Variants in BRSK2 observed in about 807,000 individuals in gnomAD.
BRSK2 encodes the protein serine/threonine-protein kinase BRSK2.
In BRSK2, 19 loss-of-function variants were observed where a neutral mutation model predicts 83.3. The ratio of observed to expected loss-of-function variants is 0.23; its 90% CI spans 0.16 to 0.33. The LOEUF (loss-of-function observed/expected upper bound fraction) is 0.33. Among genes scored for constraint, BRSK2 ranks in the 10% least tolerant of loss-of-function variants. The pLI is 1.00. For synonymous variants in BRSK2, 519 were observed against 435.4 expected (o/e 1.19, Z -2.39); for missense variants, 798 against 1,042.3 (o/e 0.77, Z 3.23).
intron 8 of BRSK2, among the ~76,000 whole-genome samples, chr11:1,443,886 G>A (rs1564853414): frequency 6.6e-6 from 1 of 152,154 alleles, no homozygotes; most frequent in South Asian, 2.1e-4. Flanking sequence ...GTGTGGGAGT[G>A]CCCAGGCGTG....
chr11:1,396,252 TGGTCCCTCTTCCCTTCCACCCA>T (rs1846098403), intron 1 of BRSK2, among the ~76,000 whole-genome samples: 2 of 130,362 alleles, frequency 1.5e-5, no homozygotes, highest in Non-Finnish European at 3.2e-5. Context: ...CCCCCACTCC[TGGTCCCTCTTCCCTTCCACCCA>T]CGTCCCCCAC....
At chr11:1,429,276 T>C (rs1411618131) in intron 1 of BRSK2, among the ~76,000 whole-genome samples, 2 of 106,944 alleles carry the variant, frequency 1.9e-5, no homozygotes, top group Admixed American at 9.3e-5. Flanking sequence ...TGTGCACTCG[T>C]GTGGGTGTGT....
At chr11:1,447,360 G>A (rs755407207) in intron 12 of BRSK2, among the ~76,000 whole-genome samples, 2 of 152,310 alleles carry the variant, frequency 1.3e-5, no homozygotes, top group African/African-American at 4.8e-5. Context: ...GGTCAGCGGC[G>A]TGGGAGGCCG....
chr11:1,436,121 C>A lies in BRSK2; in HGVS notation c.173C>A (p.Ser58Ter). 1 of 1,325,500 alleles carries A rather than the reference C, an allele frequency of 7.5e-7. No homozygotes were observed. Among genetic ancestry groups the A allele is most frequent in the South Asian group, 1.2e-5 (1 of 82,688 alleles). 82.1% of individuals were successfully genotyped at this position (1,325,500 alleles called of 1,614,324 possible). Residue 58 changes from serine (S) to a stop codon, truncating the protein, a stop_gained, in exon 2 of 20, where the codon TCG becomes TAG. Transcript: ENST00000528841. LOFTEE classifies it high-confidence loss of function. ...KIVNREKLSE[S>*]VLMKVEREIA... ...GTCAACCGTGAGAAGCTCAGCGAGT[C>A]GGTGCTGATGAAGGTGGGTGGGGCC...
chr11:1,451,319 G>A (rs1845793797), intron 14 of BRSK2, 52 bp from the exon 15 acceptor site: 5 of 1,606,858 alleles, frequency 3.1e-6, no homozygotes, highest in Non-Finnish European at 4.3e-6. Context: ...CAGGGCAGGG[G>A]AAGGATGGAG....
intron 1 of BRSK2, among the ~76,000 whole-genome samples, chr11:1,406,821 C>T (rs1846906803): frequency 6.6e-6 from 1 of 152,236 alleles, no homozygotes; most frequent in South Asian, 2.1e-4. Context: ...GGAGCCCAGG[C>T]ATCTGCTCCC....
At chr11:1,400,794 C>T (rs1317224204) in intron 1 of BRSK2, among the ~76,000 whole-genome samples, 1 of 152,234 alleles carries the variant, frequency 6.6e-6, no homozygotes, top group Non-Finnish European at 1.5e-5. Context: ...CACTGTGGCA[C>T]TGGGAGGGGT....
At chr11:1,428,120 C>T (rs370136254) in intron 1 of BRSK2, among the ~76,000 whole-genome samples, 18 of 152,268 alleles carry the variant, frequency 1.2e-4, no homozygotes, top group African/African-American at 3.9e-4. Flanking sequence ...GGAGGAGTGA[C>T]CAGAGCTCCA....
chr11:1,453,557 C>T (rs1846068270), intron 15 of BRSK2, among the ~76,000 whole-genome samples: 1 of 152,186 alleles, frequency 6.6e-6, no homozygotes, highest in South Asian at 2.1e-4. Flanking sequence ...CGGCAGGACA[C>T]TGAGGAGGCG....
intron 19 of BRSK2, among the ~76,000 whole-genome samples, chr11:1,459,737 G>T (rs1040459157): frequency 2.0e-5 from 3 of 152,162 alleles, no homozygotes; most frequent in Admixed American, 2.0e-4. Context: ...CCCCATTTCC[G>T]CCCCTCTTCT....
chr11:1,455,793 G>A (rs764765423), intron 16 of BRSK2, among the ~76,000 whole-genome samples: 1 of 152,072 alleles, frequency 6.6e-6, no homozygotes, highest in African/African-American at 2.4e-5. Context: ...GCCAGCCTGG[G>A]CCCTGTGCGC....
At position 1,456,494 on chromosome 11, in the gene BRSK2, C is replaced by G. The variant is rs199989188; in HGVS notation, c.1815C>G (p.Asn605Lys). 1.3e-6 allele frequency: 2 copies of G among 1,575,334 alleles called. No individual in the cohort carries two copies. The highest frequency in any genetic ancestry group is 3.6e-5 in the Admixed American group (2 of 55,528). The change falls in exon 17 of 20, where the codon AAC (asparagine) becomes AAG (lysine). Residue 605 changes from asparagine (N) to lysine (K), a missense_variant. Asn to Lys is a moderately conservative substitution (Grantham distance 94). This residue lies in a region of BRSK2 where 455 missense variants were observed against 455.2 expected (regional missense o/e 1.00). Transcript: ENST00000528841. ...YTEGGEAQKE[N>K]GIYSVTFTLL... ...AGGGTGGGGAGGCGCAGAAGGAGAA[C>G]GGCATCTACTCCGTCACCTTCACCC...
At chr11:1,456,865 GGCCTGGCGGGACCACCC>G in intron 18 of BRSK2, 178 bp downstream of exon 18, 12 of 1,459,956 alleles carry the variant, frequency 8.2e-6, no homozygotes, top group Non-Finnish European at 1.1e-5. Flanking sequence ...GCCCCTCCCT[GGCCTGGCGGGACCACCC>G]GCCTCGCCTC....
chr11:1,417,765 C>A (rs1378830388), intron 1 of BRSK2, among the ~76,000 whole-genome samples: 1 of 130,960 alleles, frequency 7.6e-6, no homozygotes, highest in Non-Finnish European at 1.6e-5. Flanking sequence ...GAGTGGGTCA[C>A]ACTGTGTCCT....
At chr11:1,402,611 C>G (rs1846557961) in intron 1 of BRSK2, among the ~76,000 whole-genome samples, 1 of 149,200 alleles carries the variant, frequency 6.7e-6, no homozygotes, top group African/African-American at 2.5e-5. Flanking sequence ...CAGCGTCTCC[C>G]TGGAGCTCCC....
At chr11:1,442,715 C>G in intron 5 of BRSK2, 109 bp downstream of exon 5, 1 of 867,604 alleles carries the variant, frequency 1.2e-6, no homozygotes. Context: ...CGGCACCCCA[C>G]AGGCAGGCCC....
At chr11:1,443,284 GC>G in intron 6 of BRSK2, 50 bp from the exon 7 acceptor site, 2 of 1,556,898 alleles carry the variant, frequency 1.3e-6, no homozygotes, top group Non-Finnish European at 8.7e-7. Context: ...GCCCTCCAAG[GC>G]CCCCGCCCTG....
chr11:1,415,475 G>A (rs539081881), intron 1 of BRSK2, among the ~76,000 whole-genome samples: 19 of 152,054 alleles, frequency 1.2e-4, no homozygotes, highest in South Asian at 1.0e-3. Context: ...GGAGTGCAGC[G>A]ATTTGATTGT....
At chr11:1,402,758 C>T (rs1846571545) in intron 1 of BRSK2, among the ~76,000 whole-genome samples, 1 of 152,168 alleles carries the variant, frequency 6.6e-6, no homozygotes, top group Non-Finnish European at 1.5e-5. Context: ...GGTCTCCTGC[C>T]AAAGGCAGAG....
Sources: gnomAD v4.1 joint callset for allele counts (sites outside exome capture counted in the v4.1 genomes callset) on GRCh38, gnomAD v4.1.1 for gene constraint, gnomAD v4.1.1 regional missense constraint, MANE v1.5 for transcripts, NCBI Gene and HGNC (gene_info 2026-07-23, HGNC 2026-07-21) for gene names.